The following AHI1 variants were observed in gnomAD, a reference collection of about 807,000 sequenced individuals.
AHI1 encodes the protein Abelson helper integration site 1.
Under a neutral mutation model 149.3 loss-of-function variants are expected in AHI1, and 123 were observed. That is an observed-to-expected ratio of 0.82 (90% CI 0.71 to 0.96). The LOEUF (loss-of-function observed/expected upper bound fraction) is 0.96. Among genes scored for constraint, AHI1 ranks in the 40% least tolerant of loss-of-function variants. The probability of loss-of-function intolerance (pLI) is 0.00; values close to 1 mark genes in which losing one functional copy is unlikely to be tolerated. For missense variants in AHI1, 1,439 were observed against 1,422.7 expected, an observed-to-expected ratio of 1.01 and a Z score of -0.18; for synonymous variants, 475 against 459.8, an observed-to-expected ratio of 1.03 and a Z score of -0.42.
At chr6:135,476,785 T>C (rs570935633) in intron 5 of AHI1, among the ~76,000 whole-genome samples, 1 of 152,170 alleles carries the variant, frequency 6.6e-6, no homozygotes, top group African/African-American at 2.4e-5. Context: ...ATATAACAAC[T>C]CCAGTTTTCT....
chr6:135,347,036 C>T (rs1490083989), intron 24 of AHI1, among the ~76,000 whole-genome samples: 5 of 152,172 alleles, frequency 3.3e-5, no homozygotes, highest in Non-Finnish European at 7.3e-5. Context: ...AGCCTCAGAT[C>T]GTTATCTGTT....
chr6:135,475,857 C>T (rs2128112625), intron 5 of AHI1, among the ~76,000 whole-genome samples: 1 of 152,254 alleles, frequency 6.6e-6, no homozygotes, highest in South Asian at 2.1e-4. Flanking sequence ...GTGAGTCTCT[C>T]TAGTGAATTA....
chr6:135,358,846 T>A (rs1209955847), intron 23 of AHI1, among the ~76,000 whole-genome samples: 1 of 152,244 alleles, frequency 6.6e-6, no homozygotes, highest in Non-Finnish European at 1.5e-5. Flanking sequence ...ACACAGGGGA[T>A]CTCATCTGTA....
intron 13 of AHI1, among the ~76,000 whole-genome samples, chr6:135,446,207 C>T (rs73562096): frequency 6.6e-6 from 1 of 152,120 alleles, no homozygotes; most frequent in Non-Finnish European, 1.5e-5. Flanking sequence ...AAAGCTCTAA[C>T]CCCTAACACC....
At chr6:135,343,192 A>T (rs1790644535) in intron 24 of AHI1, among the ~76,000 whole-genome samples, 1 of 151,998 alleles carries the variant, frequency 6.6e-6, no homozygotes, top group Non-Finnish European at 1.5e-5. Context: ...ATCTGAACAT[A>T]ACACCAATTC....
rs564255038 is a variant in AHI1, at chr6:135,288,670, TTC to T, written c.3588+1751_3588+1752del. On this transcript the variant is annotated intron_variant, in intron 28 of 28. Transcript: ENST00000265602. ...TAATATGATGAATAACCATATGATA[TTC>T]TGTTATATAAATATTTCATATTTTA... Among the ~76,000 whole-genome samples the T allele has an allele frequency of 1.2e-3, 189 of 152,156 alleles. 3 individuals are homozygous for T. Among genetic ancestry groups the T allele is most frequent in the African/African-American group, 4.3e-3 (180 of 41,442 alleles).
chr6:135,425,444 A>G (rs1783789998), intron 20 of AHI1, among the ~76,000 whole-genome samples: 1 of 151,946 alleles, frequency 6.6e-6, no homozygotes, highest in Non-Finnish European at 1.5e-5. Flanking sequence ...GCTTATTAGC[A>G]TATTAAAACA....
At chr6:135,393,023 A>G (rs981352400) in intron 23 of AHI1, among the ~76,000 whole-genome samples, 2 of 152,214 alleles carry the variant, frequency 1.3e-5, no homozygotes, top group Admixed American at 6.5e-5. Flanking sequence ...GAGGTTAGAC[A>G]TATTAGTAAC....
rs1197785611 is a variant in AHI1, at chr6:135,387,981, C to G, written c.3109+6795G>C. 4 of 1,613,736 alleles carry G rather than the reference C, an allele frequency of 2.5e-6. No homozygotes were observed. The South Asian group carries it at 4.4e-5, about 18-fold the overall frequency. Reference sequence around the variant, plus strand: ...TTCTTCTGGCTGGCTGACCCTGAGTCTAGTGCTTTTTCCACCATAATATAC... The same window carrying G: ...TTCTTCTGGCTGGCTGACCCTGAGTGTAGTGCTTTTTCCACCATAATATAC... On this transcript the variant is annotated intron_variant, in intron 23 of 28. Transcript: ENST00000265602.
chr6:135,447,851 A>G (rs1390356342), intron 12 of AHI1, among the ~76,000 whole-genome samples: 7 of 152,270 alleles, frequency 4.6e-5, no homozygotes, highest in Non-Finnish European at 8.8e-5. Flanking sequence ...CTGGCCTACT[A>G]CCTGTTTTTG....
At chr6:135,478,616 C>T (rs940042942) in intron 5 of AHI1, among the ~76,000 whole-genome samples, 12 of 152,066 alleles carry the variant, frequency 7.9e-5, no homozygotes, top group Non-Finnish European at 1.8e-4. Context: ...AAGCAGAGCA[C>T]GAAAGTTTGG....
At chr6:135,302,947 G>A (rs1182304122) in intron 26 of AHI1, 1 of 523,522 alleles carries the variant, frequency 1.9e-6, no homozygotes, top group Non-Finnish European at 3.0e-6. Flanking sequence ...TTATGACTTT[G>A]TTTCCTCTTC....
intron 12 of AHI1, 109 bp from the exon 13 acceptor site, chr6:135,447,269 A>G: frequency 1.3e-6 from 1 of 792,918 alleles, no homozygotes; most frequent in Non-Finnish European, 1.7e-6. Flanking sequence ...TATTTTCAAA[A>G]TGTAATCCAG....
At chr6:135,418,260 G>A (rs968006136) in intron 20 of AHI1, among the ~76,000 whole-genome samples, 2 of 152,038 alleles carry the variant, frequency 1.3e-5, no homozygotes, top group Non-Finnish European at 1.5e-5. Context: ...ATTACTGCAA[G>A]GTGCTAAGTG....
Position 135,287,719 on chromosome 6 carries a change from C to T in AHI1, c.3589-2072G>A, listed in dbSNP as rs530686292. Among the ~76,000 whole-genome samples the T allele has an allele frequency of 7.9e-5, 12 of 152,338 alleles. No homozygotes were observed. In the South Asian group the frequency reaches 2.5e-3, roughly 32 times the overall value. ...TGTGATGAAAAGAGAAAGAAACATT[C>T]TTCTTAGCAAGCTTATGAAAACAAG... On this transcript the variant is annotated intron_variant, in intron 28 of 28. Coordinates refer to ENST00000265602, the MANE Select transcript of AHI1 (RefSeq NM_001134831.2).
chr6:135,352,957 A>G (rs1582766076), intron 24 of AHI1, among the ~76,000 whole-genome samples: 1 of 151,932 alleles, frequency 6.6e-6, no homozygotes. Flanking sequence ...TATATCTTCC[A>G]GTAATATAAA....
In AHI1 at chr6:135,284,358, T is replaced by C. The variant is rs1014012195; in HGVS notation, c.*1287A>G. 2 of 152,224 alleles carry C rather than the reference T, an allele frequency of 1.3e-5. No homozygotes were observed. Among genetic ancestry groups the C allele is most frequent in the Non-Finnish European group, 2.9e-5 (2 of 68,032 alleles). 9.4% of individuals were successfully genotyped at this position (152,224 alleles called of 1,614,324 possible). On this transcript the variant is annotated 3_prime_UTR_variant, in exon 29 of 29. Coordinates refer to ENST00000265602, the MANE Select transcript of AHI1 (RefSeq NM_001134831.2). ...AAAATTTACACCTCAATGCCCAACATTGTTTTTCTCACTTCTTATTTTAAT... is the reference window on the plus strand; with the variant it reads ...AAAATTTACACCTCAATGCCCAACACTGTTTTTCTCACTTCTTATTTTAAT...
chr6:135,414,539 T>G (rs1460983038), intron 20 of AHI1, among the ~76,000 whole-genome samples: 1 of 152,116 alleles, frequency 6.6e-6, no homozygotes, highest in Non-Finnish European at 1.5e-5. Flanking sequence ...ATATGCCTGA[T>G]AAAATACTTG....
At chr6:135,298,321 A>T (rs1232582967) in intron 27 of AHI1, among the ~76,000 whole-genome samples, 1 of 136,780 alleles carries the variant, frequency 7.3e-6, no homozygotes, top group Non-Finnish European at 1.5e-5. Context: ...AGTGACTGAC[A>T]TTTCTCAAAA....
Sources: allele counts gnomAD v4.1 joint callset (sites outside exome capture counted in the v4.1 genomes callset), GRCh38; gene constraint gnomAD v4.1.1; transcripts MANE v1.5; gene names NCBI Gene and HGNC (gene_info 2026-07-23, HGNC 2026-07-21).